The following RAB7A variants were observed in gnomAD, a reference collection of about 807,000 sequenced individuals.
RAB7A encodes ras-related protein Rab-7a.
Under a neutral mutation model 24.5 loss-of-function variants are expected in RAB7A, and 2 were observed. The ratio of observed to expected loss-of-function variants is 0.08; its 90% CI spans 0.03 to 0.26. The LOEUF (loss-of-function observed/expected upper bound fraction) is 0.26. RAB7A is among the 10% of genes least tolerant of loss of function. RAB7A has a pLI of 1.00. For missense variants in RAB7A, 118 were observed against 255.7 expected (o/e 0.46, Z 3.67); for synonymous variants, 100 against 95.9 (o/e 1.04, Z -0.25).
chr3:128,734,795 G>A (rs574840618), intron 1 of RAB7A, among the ~76,000 whole-genome samples: 10 of 152,292 alleles, frequency 6.6e-5, no homozygotes, highest in East Asian at 3.9e-4. Flanking sequence ...TTTTGGCTGC[G>A]TGATCTTCAG....
intron 1 of RAB7A, among the ~76,000 whole-genome samples, chr3:128,754,482 T>G (rs896351631): frequency 2.0e-5 from 3 of 152,026 alleles, no homozygotes; most frequent in Non-Finnish European, 2.9e-5. Context: ...AAACACAAAA[T>G]AAGATAATAA....
chr3:128,795,919 T>C (rs1051220984), intron 2 of RAB7A, among the ~76,000 whole-genome samples: 1 of 151,380 alleles, frequency 6.6e-6, no homozygotes, highest in Non-Finnish European at 1.5e-5. Context: ...GCCCGGCTAG[T>C]TTTTTGTATT....
In RAB7A at chr3:128,798,820, T is replaced by TAAA. The variant is rs150137763; in HGVS notation, c.180+751_180+752insAAA. On this transcript the variant is annotated intron_variant, in intron 3 of 5. Coordinates refer to ENST00000265062, the MANE Select transcript of RAB7A (RefSeq NM_004637.6). ...ATGGAGTGAGACCCTGTCTCTAAAT[T>TAAA]TAAAAAAAAAAAAAAAAAAAAAAAA... is the stretch of plus-strand genomic sequence containing the variant. The TAAA allele has an allele frequency of 8.0e-4, 134 of 167,866 alleles. 1 individual carries two copies. The highest frequency in any genetic ancestry group is 3.2e-3 in the African/African-American group (82 of 25,750). The allele number at this position is 167,866 out of a possible 1,614,324, so 10.4% of individuals were successfully genotyped here.
At position 128,795,312 on chromosome 3, in the gene RAB7A, T is replaced by G; in HGVS notation, c.-8-48T>G. The G allele has an allele frequency of 2.7e-6, 4 of 1,504,980 alleles. No individual in the cohort carries two copies. In the South Asian group the frequency reaches 4.5e-5, roughly 17 times the overall value. 93.2% of individuals were successfully genotyped at this position (1,504,980 alleles called of 1,614,324 possible). A position where few individuals can be genotyped will look rare whatever the true frequency, so the allele number is the denominator to read the frequency against. ...ATTTGTGCAAGGGAGGTGTTTTGTT[T>G]TGGTGTTTCCATCACACTCACAGTG... is the stretch of plus-strand genomic sequence containing the variant. On this transcript the variant is annotated intron_variant, in intron 1 of 5. Coordinates refer to ENST00000265062, the MANE Select transcript of RAB7A (RefSeq NM_004637.6).
At chr3:128,779,728 A>G (rs1444046210) in intron 1 of RAB7A, among the ~76,000 whole-genome samples, 1 of 152,126 alleles carries the variant, frequency 6.6e-6, no homozygotes, top group Non-Finnish European at 1.5e-5. Flanking sequence ...AGTAGCTGGG[A>G]GTAGGCACGA....
chr3:128,732,733 G>A (rs1216861876), intron 1 of RAB7A, among the ~76,000 whole-genome samples: 2 of 152,128 alleles, frequency 1.3e-5, no homozygotes, highest in Non-Finnish European at 2.9e-5. Context: ...AGGCTGAGAC[G>A]GGAGGATCAC....
At chr3:128,778,535 G>T (rs1442155044) in intron 1 of RAB7A, among the ~76,000 whole-genome samples, 1 of 152,074 alleles carries the variant, frequency 6.6e-6, no homozygotes, top group Non-Finnish European at 1.5e-5. Context: ...ATATTTCTTG[G>T]GCAGTTAAAA....
intron 1 of RAB7A, among the ~76,000 whole-genome samples, chr3:128,733,189 C>T (rs1216682104): frequency 1.3e-5 from 2 of 152,184 alleles, no homozygotes; most frequent in Non-Finnish European, 2.9e-5. Context: ...CCCTCTTAGT[C>T]TCCTTTAAGT....
chr3:128,810,289 C>T (rs138684604), intron 5 of RAB7A, among the ~76,000 whole-genome samples: 17 of 152,170 alleles, frequency 1.1e-4, no homozygotes, highest in African/African-American at 3.4e-4. Flanking sequence ...CCATTTTCCT[C>T]TCTTACCTTC....
intron 1 of RAB7A, among the ~76,000 whole-genome samples, chr3:128,769,248 C>A (rs7641813): frequency 0.012 from 1,819 of 152,158 alleles, 33 homozygotes; most frequent in African/African-American, 0.039. Flanking sequence ...TGGTTTTTCC[C>A]TTTCACATTC....
At chr3:128,753,963 A>G (rs2070708907) in intron 1 of RAB7A, among the ~76,000 whole-genome samples, 1 of 152,032 alleles carries the variant, frequency 6.6e-6, no homozygotes, top group Non-Finnish European at 1.5e-5. Flanking sequence ...TTAAGTTTCA[A>G]AATGAATTTT....
chr3:128,769,035 G>GGT (rs1214281313), intron 1 of RAB7A, among the ~76,000 whole-genome samples: 2 of 130,480 alleles, frequency 1.5e-5, no homozygotes, highest in African/African-American at 6.2e-5. Flanking sequence ...TGGGACCACA[G>GGT]GTGTACACCA....
At chr3:128,779,747 T>G (rs1422862737) in intron 1 of RAB7A, among the ~76,000 whole-genome samples, 1 of 152,154 alleles carries the variant, frequency 6.6e-6, no homozygotes, top group Non-Finnish European at 1.5e-5. Context: ...GATACCATGC[T>G]TGGCTAATTT....
chr3:128,729,414 C>G (rs141554571), intron 1 of RAB7A, among the ~76,000 whole-genome samples: 2 of 151,906 alleles, frequency 1.3e-5, no homozygotes, highest in African/African-American at 4.8e-5. Context: ...ACTAAAAATA[C>G]AAAAAATTAG....
intron 1 of RAB7A, among the ~76,000 whole-genome samples, chr3:128,775,019 T>G (rs1021769831): frequency 6.6e-6 from 1 of 152,210 alleles, no homozygotes; most frequent in Non-Finnish European, 1.5e-5. Flanking sequence ...CAACCTCAGA[T>G]GATCCACCCA....
At chr3:128,797,911 G>A (rs751068290) in intron 2 of RAB7A, 32 bp from the exon 3 acceptor site, 8 of 1,610,074 alleles carry the variant, frequency 5.0e-6, no homozygotes, top group Non-Finnish European at 6.8e-6. Flanking sequence ...CCTCCTATTT[G>A]ACTTATACTT....
At chr3:128,771,237 C>T (rs2070881924) in intron 1 of RAB7A, among the ~76,000 whole-genome samples, 1 of 152,172 alleles carries the variant, frequency 6.6e-6, no homozygotes, top group Non-Finnish European at 1.5e-5. Flanking sequence ...TCCCAAAGTG[C>T]TGGGATTACA....
chr3:128,775,288 C>T (rs1169427783), intron 1 of RAB7A, among the ~76,000 whole-genome samples: 1 of 152,176 alleles, frequency 6.6e-6, no homozygotes, highest in African/African-American at 2.4e-5. Context: ...TGAGACTGTT[C>T]ACCTTGCCTT....
At chr3:128,728,400 T>A (rs1013376710) in intron 1 of RAB7A, among the ~76,000 whole-genome samples, 1 of 152,244 alleles carries the variant, frequency 6.6e-6, no homozygotes, top group East Asian at 1.9e-4. Flanking sequence ...ATTAATCACA[T>A]CTTTTAAAGA....
Sources: allele counts gnomAD v4.1 joint callset (sites outside exome capture counted in the v4.1 genomes callset), GRCh38; gene constraint gnomAD v4.1.1; transcripts MANE v1.5; gene names NCBI Gene and HGNC (gene_info 2026-07-23, HGNC 2026-07-21).